MESD: variants seen among roughly 807,000 people sequenced by gnomAD.
The protein encoded by MESD is mesoderm development LRP chaperone, also known as LRP chaperone MESD.
A neutral mutation model predicts 12.9 loss-of-function variants in MESD; 7 were observed. That is an observed-to-expected ratio of 0.54 (90% CI 0.31 to 1.02). The LOEUF is 1.02. Among genes scored for constraint, MESD ranks in the 50% least tolerant of loss-of-function variants. MESD has a pLI of 0.05. For missense variants in MESD, 342 were observed against 296.7 expected (o/e 1.15, Z -1.12); for synonymous variants, 126 against 115.6 (o/e 1.09, Z -0.58).
chr15:80,958,484 C>T (rs1387691569), intron 3 of MESD, among the ~76,000 whole-genome samples: 2 of 152,184 alleles, frequency 1.3e-5, no homozygotes, highest in African/African-American at 4.8e-5. Context: ...GCATGCGCCA[C>T]CACACTCAAC....
downstream of MESD, chr15:80,946,325 T>A (rs1323154709): frequency 1.3e-5 from 2 of 154,990 alleles, no homozygotes; most frequent in African/African-American, 4.8e-5. Context: ...AATGTATACA[T>A]GATCACCTGC....
chr15:80,948,920 T>C, intron 4 of MESD: 1 of 1,613,760 alleles, frequency 6.2e-7, no homozygotes, highest in Non-Finnish European at 8.5e-7. Flanking sequence ...AAGAAGAAGT[T>C]GTGAGGACAG....
chr15:80,948,541 C>T (rs1901666267), exon 5 of MESD: 1 of 534,264 alleles, frequency 1.9e-6, no homozygotes, highest in South Asian at 1.9e-5. Context: ...CTGTGCATGG[C>T]TCCCCTGTCT....
At chr15:80,946,512 C>T (rs753595778), downstream of MESD, 6 of 184,018 alleles carry the variant, frequency 3.3e-5, no homozygotes, top group Non-Finnish European at 5.8e-5. Flanking sequence ...TCCGCCTTCC[C>T]GCACCTCCTC....
rs143990493 is a variant in MESD, at chr15:80,989,685, C to A, written c.107G>T (p.Gly36Val). ...AGACTCGTCGGGCGTCCCGGGCGAG[C>A]CTTCGGCCGCGCAGGACCCAGGCGG... ...LPPPGSCAAE[G>V]SPGTPDESTP... The change falls in exon 1 of 3, where the codon GGC (glycine) becomes GTC (valine). Residue 36 changes from glycine to valine, a missense_variant. Gly to Val is a moderately radical substitution (Grantham distance 109). Transcript: ENST00000261758. 2.1e-5 allele frequency: 34 copies of A among 1,612,816 alleles called. No homozygotes were observed. Among genetic ancestry groups the A allele is most frequent in the Non-Finnish European group, 2.1e-5 (25 of 1,180,004 alleles).
chr15:80,979,137 C>T lies in MESD; in HGVS notation c.*82G>A. On this transcript the variant is annotated 3_prime_UTR_variant, in exon 3 of 3. Transcript: ENST00000261758. Reference sequence around the variant, plus strand: ...AGAATGTCATCCGGTGTGCAGTTGCCTGAGACCACTCCCACCCCAGGAGCT... The same window carrying T: ...AGAATGTCATCCGGTGTGCAGTTGCTTGAGACCACTCCCACCCCAGGAGCT... 1 of 1,535,156 alleles carries T rather than the reference C, an allele frequency of 6.5e-7. No individual in the cohort carries two copies. Among genetic ancestry groups the T allele is most frequent in the African/African-American group, 1.4e-5 (1 of 72,504 alleles).
In MESD at chr15:80,985,639, CTTTTTTTTTTTTTT is replaced by C. The variant is rs11425497; in HGVS notation, c.214-3471_214-3458del. 2.0e-3 allele frequency among the ~76,000 whole-genome samples: 180 copies of C among 89,052 alleles called. 1 individual carries two copies. The highest frequency in any genetic ancestry group is 7.9e-3 in the African/African-American group (170 of 21,628). The allele number at this position is 89,052 out of a possible 152,430, so 58.4% of individuals were successfully genotyped here. A position where few individuals can be genotyped will look rare whatever the true frequency, so the allele number is the denominator to read the frequency against. ...AATTAACTCAGTAGGTCCCAAGCAG[CTTTTTTTTTTTTTT>C]TTTTTTTTTTTAGATGGGGTCTTAC... On this transcript the variant is annotated intron_variant, in intron 1 of 2. Transcript: ENST00000261758.
chr15:80,984,137 G>T (rs1034844902), intron 1 of MESD, among the ~76,000 whole-genome samples: 3 of 152,020 alleles, frequency 2.0e-5, no homozygotes, highest in East Asian at 1.9e-4. Flanking sequence ...CTGACCTCGT[G>T]ATCTGCCCAC....
chr15:80,950,212 C>G (rs1471455800), intron 4 of MESD: 3 of 152,306 alleles, frequency 2.0e-5, no homozygotes, highest in Non-Finnish European at 4.4e-5. Flanking sequence ...ATATCTAGCC[C>G]AAAGCCTTCA....
chr15:80,988,158 G>A (rs1307127487), intron 1 of MESD, among the ~76,000 whole-genome samples: 2 of 152,168 alleles, frequency 1.3e-5, no homozygotes, highest in Admixed American at 6.5e-5. Context: ...TAAAAGTCGC[G>A]AAAGAATTTG....
intron 1 of MESD, 54 bp from the exon 2 acceptor site, chr15:80,982,236 C>T: frequency 5.5e-6 from 8 of 1,462,820 alleles, no homozygotes; most frequent in Non-Finnish European, 7.6e-6. Context: ...TGCTTTTCAA[C>T]TGGCACAGGC....
At chr15:80,970,953 G>A (rs1596230530), downstream of MESD, among the ~76,000 whole-genome samples, 1 of 152,128 alleles carries the variant, frequency 6.6e-6, no homozygotes, top group East Asian at 1.9e-4. Context: ...GGTGGAGGAT[G>A]GAGAATTTGA....
chr15:80,946,630 C>T (rs1901566160), downstream of MESD: 2 of 339,264 alleles, frequency 5.9e-6, no homozygotes, highest in African/African-American at 4.2e-5. Flanking sequence ...CGAAGTCCTA[C>T]TGTGTGCCGA....
chr15:80,970,114 A>G (rs1902254105), intron 3 of MESD, among the ~76,000 whole-genome samples: 1 of 152,252 alleles, frequency 6.6e-6, no homozygotes, highest in Admixed American at 6.5e-5. Flanking sequence ...TTGCAAGCAC[A>G]GACTGAGCAG....
At chr15:80,952,904 C>T in intron 3 of MESD, 2 of 453,260 alleles carry the variant, frequency 4.4e-6, no homozygotes, top group Admixed American at 2.4e-5. Context: ...CACAGAGGAA[C>T]ACAGAATGAC....
exon 5 of MESD, chr15:80,948,513 A>G (rs1461528158): frequency 4.2e-6 from 2 of 472,920 alleles, no homozygotes; most frequent in Admixed American, 6.6e-5. Flanking sequence ...CCTCCCTTAC[A>G]GTTTGCCCCA....
chr15:80,961,756 G>A (rs1902090971), intron 3 of MESD, among the ~76,000 whole-genome samples: 1 of 152,098 alleles, frequency 6.6e-6, no homozygotes, highest in African/African-American at 2.4e-5. Flanking sequence ...TCACAAAGAA[G>A]ATGAAAGAAA....
intron 3 of MESD, among the ~76,000 whole-genome samples, chr15:80,968,281 G>T (rs534779637): frequency 1.3e-5 from 2 of 152,200 alleles, no homozygotes; most frequent in Non-Finnish European, 2.9e-5. Flanking sequence ...GGGCAAGGTG[G>T]CCATTCTCCT....
At chr15:80,975,484 A>G (rs575902892), downstream of MESD, among the ~76,000 whole-genome samples, 5 of 152,308 alleles carry the variant, frequency 3.3e-5, no homozygotes, top group South Asian at 1.0e-3. Flanking sequence ...AAAGGCGGAC[A>G]CTGTGGGTGC....
Sources: allele counts gnomAD v4.1 joint callset (sites outside exome capture counted in the v4.1 genomes callset), GRCh38; gene constraint gnomAD v4.1.1; transcripts MANE v1.5; gene names NCBI Gene and HGNC (gene_info 2026-07-23, HGNC 2026-07-21).